MYCBP2: variants seen among roughly 807,000 people sequenced by gnomAD.
The protein encoded by MYCBP2 is MYC binding protein 2, also known as E3 ubiquitin-protein ligase MYCBP2.
Under a neutral mutation model 525.3 loss-of-function variants are expected in MYCBP2, and 120 were observed. That is an observed-to-expected ratio of 0.23 (90% CI 0.20 to 0.27). The LOEUF (loss-of-function observed/expected upper bound fraction) is 0.27, where lower values mean the gene tolerates loss of function less well. Among genes scored for constraint, MYCBP2 ranks in the 10% least tolerant of loss-of-function variants. MYCBP2 has a pLI of 1.00. For missense variants in MYCBP2, 4,149 were observed against 5,657.1 expected, an observed-to-expected ratio of 0.73 and a Z score of 8.55; for synonymous variants, 1,894 against 1,955.8, an observed-to-expected ratio of 0.97 and a Z score of 0.83.
chr13:77,153,412 G>A (rs1237578742), intron 46 of MYCBP2, among the ~76,000 whole-genome samples: 1 of 152,288 alleles, frequency 6.6e-6, no homozygotes, highest in South Asian at 2.1e-4. Flanking sequence ...CGACACCCAC[G>A]TCCCAAGTCC....
At chr13:77,200,497 A>G (rs1293909742) in intron 26 of MYCBP2, among the ~76,000 whole-genome samples, 18 of 152,206 alleles carry the variant, frequency 1.2e-4, no homozygotes, top group African/African-American at 3.1e-4. Flanking sequence ...AACTTCCCCA[A>G]TCTAGCAAGG....
intron 46 of MYCBP2, among the ~76,000 whole-genome samples, chr13:77,155,058 A>T (rs1264743666): frequency 6.6e-6 from 1 of 152,116 alleles, no homozygotes; most frequent in Non-Finnish European, 1.5e-5. Flanking sequence ...GGGTTATAAT[A>T]AAAATTCTGA....
rs397851660 is a variant in MYCBP2, at chr13:77,276,816, G to GTTTTTT, written c.748+1936_748+1941dup. On this transcript the variant is annotated intron_variant, in intron 4 of 82. Transcript: ENST00000544440. Reference sequence around the variant, plus strand: ...TGAGTAGCACTCATTTCCATGCCCAGTTTTTTTTTTTTTTTTTTTTTTTGG... The same window carrying GTTTTTT: ...TGAGTAGCACTCATTTCCATGCCCAGTTTTTTTTTTTTTTTTTTTTTTTTTTTTTGG... Among the ~76,000 whole-genome samples, 87 of 76,216 alleles carry GTTTTTT rather than the reference G, an allele frequency of 1.1e-3. 2 individuals carry two copies. The highest frequency in any genetic ancestry group is 4.5e-3 in the African/African-American group (80 of 17,644). 50.0% of individuals were successfully genotyped at this position (76,216 alleles called of 152,430 possible).
At chr13:77,203,170 T>C (rs1416741292) in intron 26 of MYCBP2, among the ~76,000 whole-genome samples, 1 of 152,204 alleles carries the variant, frequency 6.6e-6, no homozygotes, top group Non-Finnish European at 1.5e-5. Flanking sequence ...CAAAACCTCC[T>C]TAAGCTGATA....
chr13:77,200,865 C>T (rs945722047), intron 26 of MYCBP2, among the ~76,000 whole-genome samples: 12 of 151,908 alleles, frequency 7.9e-5, no homozygotes, highest in Non-Finnish European at 1.5e-4. Flanking sequence ...CACCACCAGG[C>T]CTGACCTAAA....
At chr13:77,296,950 G>A (rs985020584) in intron 1 of MYCBP2, among the ~76,000 whole-genome samples, 1 of 152,004 alleles carries the variant, frequency 6.6e-6, no homozygotes, top group African/African-American at 2.4e-5. Context: ...CATTAAAAAG[G>A]CATCAAATGA....
Position 77,098,370 on chromosome 13 carries a change from G to C in MYCBP2, c.8784C>G (p.Leu2928=). 1 of 1,613,236 alleles carries C rather than the reference G, an allele frequency of 6.2e-7. No individual in the cohort carries two copies. Among genetic ancestry groups the C allele is most frequent in the Non-Finnish European group, 8.5e-7 (1 of 1,179,802 alleles). Residue 2928 remains leucine (L), a synonymous_variant, in exon 56 of 83, where the codon CTC becomes CTG. Transcript: ENST00000544440. ...TGCAGACTTCGACCACCTCACTGTGGAGGTTTTCCTGTACCACATGGGGAG... is the reference window on the plus strand; with the variant it reads ...TGCAGACTTCGACCACCTCACTGTGCAGGTTTTCCTGTACCACATGGGGAG... The part of the protein sequence containing the change: ...APSPHVVQEN[L]HSEVVEVCTS...
chr13:77,181,363 A>G (rs906426588), intron 33 of MYCBP2, among the ~76,000 whole-genome samples: 2 of 152,150 alleles, frequency 1.3e-5, no homozygotes, highest in Non-Finnish European at 2.9e-5. Flanking sequence ...CTAAAATATT[A>G]TATTAGAATG....
At chr13:77,167,687 G>A (rs1245265816) in intron 40 of MYCBP2, among the ~76,000 whole-genome samples, 1 of 152,024 alleles carries the variant, frequency 6.6e-6, no homozygotes, top group African/African-American at 2.4e-5. Context: ...TTATATTTTG[G>A]AGACATTGTA....
intron 3 of MYCBP2, among the ~76,000 whole-genome samples, chr13:77,284,557 A>C (rs917101793): frequency 5.9e-5 from 9 of 152,190 alleles, no homozygotes; most frequent in African/African-American, 2.2e-4. Flanking sequence ...CTCTGCATAG[A>C]GGCATCTCAT....
At chr13:77,148,034 T>C (rs1277504632) in intron 47 of MYCBP2, among the ~76,000 whole-genome samples, 1 of 151,900 alleles carries the variant, frequency 6.6e-6, no homozygotes, top group Non-Finnish European at 1.5e-5. Context: ...AGCATGTTCA[T>C]AGGAAACTAA....
intron 54 of MYCBP2, among the ~76,000 whole-genome samples, chr13:77,123,022 C>T (rs2051024213): frequency 6.6e-6 from 1 of 152,134 alleles, no homozygotes; most frequent in African/African-American, 2.4e-5. Context: ...CTGTTTTTAC[C>T]ACAGCAGTAA....
rs144761855 is a variant in MYCBP2 at position 77,096,171 on chromosome 13, T to C, written c.9954+141A>G. 6.4e-4 allele frequency: 564 copies of C among 879,078 alleles called. 9 individuals carry two copies. The Admixed American group carries it at 0.016, about 24-fold the overall frequency. 54.5% of individuals were successfully genotyped at this position (879,078 alleles called of 1,614,324 possible). Reference sequence around the variant, plus strand: ...CATTTGACTTAGTACAAATATTAAATTTGTATATGATTTCCATTATAAAAG... The same window carrying C: ...CATTTGACTTAGTACAAATATTAAACTTGTATATGATTTCCATTATAAAAG... On this transcript the variant is annotated intron_variant, in intron 57 of 82. Transcript: ENST00000544440.
intron 35 of MYCBP2, 54 bp from the exon 36 acceptor site, chr13:77,176,682 AT>A: frequency 7.6e-7 from 1 of 1,307,694 alleles, no homozygotes. Flanking sequence ...ATTTTATTGT[AT>A]GAACAATTTT....
chr13:77,283,154 C>T (rs75836667), intron 3 of MYCBP2, among the ~76,000 whole-genome samples: 2,041 of 152,200 alleles, frequency 0.013, 47 homozygotes, highest in African/African-American at 0.045. Context: ...GGTGGTGAGT[C>T]TGATGCAATC....
rs2046470804 is a variant in MYCBP2 at position 77,097,764 on chromosome 13, A to C, written c.9390T>G (p.His3130Gln). ...VLSMLKEPPL[H>Q]EKCEDGKTET... ...CGGTTTTCCCATCCTCACATTTTTC[A>C]TGCAGAGGTGGTTCCTTAAGCATAG... is the stretch of plus-strand genomic sequence containing the variant. Residue 3130 changes from histidine to glutamine, a missense_variant, in exon 56 of 83, where the codon CAT becomes CAG. Around this residue, in one of 21 missense-constraint regions of MYCBP2, gnomAD observed 653 missense variants for 744.7 expected, o/e 0.88. Coordinates refer to ENST00000544440, the MANE Select transcript of MYCBP2 (RefSeq NM_015057.5). The C allele has an allele frequency of 6.2e-7, 1 of 1,613,552 alleles. No homozygotes were observed.
chr13:77,118,921 T>C (rs186375513), intron 55 of MYCBP2, among the ~76,000 whole-genome samples: 13 of 152,208 alleles, frequency 8.5e-5, no homozygotes, highest in African/African-American at 3.1e-4. Context: ...GTATATTTCA[T>C]GCAGAAAATA....
rs79951076 is a variant in MYCBP2 at position 77,294,838 on chromosome 13, T to G, written c.378+1761A>C. ...GGCAACACTTTCCTTAGGGTAACTA[T>G]TCCTCCCTCATTTCATGTGGCCTAT... On this transcript the variant is annotated intron_variant, in intron 2 of 82. Coordinates refer to ENST00000544440, the MANE Select transcript of MYCBP2 (RefSeq NM_015057.5). Among the ~76,000 whole-genome samples the G allele has an allele frequency of 8.7e-3, 1,330 of 152,330 alleles. 22 individuals carry two copies. Among genetic ancestry groups the G allele is most frequent in the African/African-American group, 0.03 (1,239 of 41,570 alleles).
rs754294977 is a variant in MYCBP2 at position 77,326,680 on chromosome 13, C to A, written c.96G>T (p.Pro32=). 1.9e-4 allele frequency: 271 copies of A among 1,456,342 alleles called. No individual in the cohort carries two copies. Among genetic ancestry groups the A allele is most frequent in the Admixed American group, 2.3e-4 (8 of 34,526 alleles). The allele number at this position is 1,456,342 out of a possible 1,614,324, so 90.2% of individuals were successfully genotyped here. A position where few individuals can be genotyped will look rare whatever the true frequency, so the allele number is the denominator to read the frequency against. The part of the protein sequence containing the change: ...FYPAATFSSS[P]APGALFMPVP... ...CCGGCATGAACAGCGCCCCCGGCGC[C>A]GGGGAGGAAGAGAAGGTGGCGGCTG... The change falls in exon 1 of 83, where the codon CCG becomes CCT. Residue 32 remains proline (P), a synonymous_variant. Transcript: ENST00000544440. The surrounding 1 kb of genome is among the most constrained non-coding windows in gnomAD (Gnocchi z 4.2).
Sources: allele counts gnomAD v4.1 joint callset (sites outside exome capture counted in the v4.1 genomes callset), GRCh38; gene constraint gnomAD v4.1.1; regional missense constraint gnomAD v4.1.1; non-coding constraint Gnocchi (gnomAD v3.1); transcripts MANE v1.5; gene names NCBI Gene and HGNC (gene_info 2026-07-23, HGNC 2026-07-21).